The following MAGI2 variants were observed in gnomAD, a reference collection of about 807,000 sequenced individuals.
MAGI2 encodes the protein membrane-associated guanylate kinase, WW and PDZ domain-containing protein 2.
In MAGI2, 35 loss-of-function variants were observed where a neutral mutation model predicts 133.3. The ratio of observed to expected loss-of-function variants is 0.26; its 90% CI spans 0.20 to 0.35. MAGI2 has a LOEUF of 0.35. MAGI2 is among the 10% of genes least tolerant of loss of function. The probability of loss-of-function intolerance (pLI) is 1.00; values close to 1 mark genes in which losing one functional copy is unlikely to be tolerated. For synonymous variants in MAGI2, 729 were observed against 710.6 expected, an observed-to-expected ratio of 1.03 and a Z score of -0.41; for missense variants, 1,636 against 1,863.4, an observed-to-expected ratio of 0.88 and a Z score of 2.25.
chr7:78,270,808 ACT>A (rs1794489662), intron 9 of MAGI2, among the ~76,000 whole-genome samples: 1 of 152,024 alleles, frequency 6.6e-6, no homozygotes, highest in East Asian at 1.9e-4. Context: ...CATCTACAGA[ACT>A]CTCTGCCTGA....
chr7:78,939,373 A>T (rs1210656972), intron 2 of MAGI2, among the ~76,000 whole-genome samples: 1 of 152,156 alleles, frequency 6.6e-6, no homozygotes, highest in South Asian at 2.1e-4. Flanking sequence ...TGAAATGTGG[A>T]TGGGATCTTG....
chr7:79,307,947 C>A (rs915926109), intron 1 of MAGI2, among the ~76,000 whole-genome samples: 2 of 152,120 alleles, frequency 1.3e-5, no homozygotes, highest in Non-Finnish European at 2.9e-5. Flanking sequence ...TCCTCTTTAA[C>A]CACCATAGAA....
chr7:78,478,991 T>A (rs1010656310), intron 6 of MAGI2, among the ~76,000 whole-genome samples: 6 of 151,874 alleles, frequency 4.0e-5, no homozygotes, highest in African/African-American at 1.5e-4. Context: ...AACCTATAAG[T>A]GGTGGCATCA....
At chr7:78,642,585 T>C (rs1026033998) in intron 2 of MAGI2, among the ~76,000 whole-genome samples, 1 of 152,180 alleles carries the variant, frequency 6.6e-6, no homozygotes, top group Non-Finnish European at 1.5e-5. Flanking sequence ...TGAATATCAA[T>C]CTAGTGGAAA....
rs140370175 is a variant in MAGI2 at position 78,019,841 on chromosome 7, C to T, written c.3842G>A (p.Ser1281Asn). ...TTTGATATCCCAAGTTGGGCCTGGG[C>T]TTATCTGGTGGGAAGGGTCGGAGGG... ...APPSDPSHQI[S>N]PGPTWDIKRE... The change falls in exon 22 of 22, where the codon AGC becomes AAC. Residue 1281 changes from serine to asparagine, a missense_variant. Transcript: ENST00000354212. 49 of 1,613,440 alleles carry T rather than the reference C, an allele frequency of 3.0e-5. No individual in the cohort carries two copies. Among genetic ancestry groups the T allele is most frequent in the African/African-American group, 5.3e-5 (4 of 74,900 alleles).
At chr7:78,641,810 G>A (rs944568153) in intron 2 of MAGI2, among the ~76,000 whole-genome samples, 1 of 152,152 alleles carries the variant, frequency 6.6e-6, no homozygotes, top group African/African-American at 2.4e-5. Flanking sequence ...AGAAGCAAGA[G>A]AGGATTGTTC....
intron 2 of MAGI2, among the ~76,000 whole-genome samples, chr7:78,891,876 CAGGGCAATCAGGCAGGAGAAAGAAATAA>C (rs1680503872): frequency 1.3e-5 from 2 of 152,062 alleles, no homozygotes; most frequent in Admixed American, 1.3e-4. Context: ...AAGTTCTGGC[CAGGGCAATCAGGCAGGAGAAAGAAATAA>C]AGGGTATTCA....
intron 6 of MAGI2, among the ~76,000 whole-genome samples, chr7:78,448,715 T>A (rs566373513): frequency 6.6e-6 from 1 of 152,210 alleles, no homozygotes; most frequent in East Asian, 1.9e-4. Flanking sequence ...TATACAATAA[T>A]TTAAATATGT....
chr7:78,757,019 A>G (rs1824012211), intron 2 of MAGI2, among the ~76,000 whole-genome samples: 1 of 151,984 alleles, frequency 6.6e-6, no homozygotes, highest in Non-Finnish European at 1.5e-5. Context: ...AGAACTTCCC[A>G]TTTCTCCTTA....
chr7:79,362,929 A>T (rs1193197191), intron 1 of MAGI2, among the ~76,000 whole-genome samples: 1 of 151,832 alleles, frequency 6.6e-6, no homozygotes, highest in East Asian at 2.0e-4. Flanking sequence ...TATTCATTAT[A>T]GTACTGGCAA....
chr7:79,249,953 G>A (rs772696999), intron 1 of MAGI2, among the ~76,000 whole-genome samples: 4 of 151,902 alleles, frequency 2.6e-5, no homozygotes, highest in Non-Finnish European at 5.9e-5. Flanking sequence ...ATCATTTATC[G>A]TGACCAAACA....
chr7:79,109,546 C>G (rs1048977096), intron 1 of MAGI2, among the ~76,000 whole-genome samples: 2 of 152,184 alleles, frequency 1.3e-5, no homozygotes, highest in African/African-American at 4.8e-5. Context: ...AACTTCGATA[C>G]AGGAGCAAAT....
At chr7:79,356,152 G>A (rs1349595738) in intron 1 of MAGI2, among the ~76,000 whole-genome samples, 1 of 152,026 alleles carries the variant, frequency 6.6e-6, no homozygotes, top group Non-Finnish European at 1.5e-5. Context: ...ATGTGAAATA[G>A]GTTATATGAA....
At chr7:78,242,259 TG>T (rs1241774355) in intron 10 of MAGI2, among the ~76,000 whole-genome samples, 3 of 152,216 alleles carry the variant, frequency 2.0e-5, no homozygotes, top group Admixed American at 6.5e-5. Flanking sequence ...ATTTTAGCTG[TG>T]AGTTAGAGAG....
chr7:79,326,465 G>A (rs1485128190), intron 1 of MAGI2, among the ~76,000 whole-genome samples: 1 of 152,064 alleles, frequency 6.6e-6, no homozygotes, highest in Non-Finnish European at 1.5e-5. Context: ...AAGTAAAGGA[G>A]CCTATATTTT....
intron 1 of MAGI2, among the ~76,000 whole-genome samples, chr7:79,167,920 G>A (rs575778255): frequency 6.6e-5 from 10 of 152,154 alleles, no homozygotes; most frequent in East Asian, 1.9e-4. Context: ...AGGAACACCC[G>A]GCCTGCCCAG....
intron 1 of MAGI2, among the ~76,000 whole-genome samples, chr7:79,443,945 T>C (rs1034081656): frequency 6.6e-6 from 1 of 152,228 alleles, no homozygotes; most frequent in African/African-American, 2.4e-5. Context: ...GTCATATGCA[T>C]GTGTTTCACT....
chr7:79,061,440 C>T (rs1336594516), intron 1 of MAGI2, among the ~76,000 whole-genome samples: 1 of 151,860 alleles, frequency 6.6e-6, no homozygotes, highest in East Asian at 1.9e-4. Flanking sequence ...TATTTAGAGG[C>T]ATATTTTAGT....
At chr7:78,786,754 T>G (rs1826851450) in intron 2 of MAGI2, among the ~76,000 whole-genome samples, 1 of 152,202 alleles carries the variant, frequency 6.6e-6, no homozygotes, top group Non-Finnish European at 1.5e-5. Context: ...CTTATCAGTA[T>G]CTGACATACT....
Sources: allele counts gnomAD v4.1 joint callset (sites outside exome capture counted in the v4.1 genomes callset), GRCh38; gene constraint gnomAD v4.1.1; transcripts MANE v1.5; gene names NCBI Gene and HGNC (gene_info 2026-07-23, HGNC 2026-07-21).